DENND2C: variants seen among roughly 807,000 people sequenced by gnomAD.
DENND2C encodes the protein DENN domain containing 2C, also known as DENN domain-containing protein 2C.
Under a neutral mutation model 112.4 loss-of-function variants are expected in DENND2C, and 72 were observed. The ratio of observed to expected loss-of-function variants is 0.64; its 90% CI spans 0.53 to 0.78. The LOEUF is 0.78. Ranked by LOEUF, DENND2C falls within the 30% of genes least tolerant of loss-of-function variation. The pLI is 0.00. For synonymous variants in DENND2C, 329 were observed against 381.6 expected (o/e 0.86, Z 1.61); for missense variants, 992 against 1,113.8 (o/e 0.89, Z 1.56).
Position 114,625,624 on chromosome 1 carries a change from C to T in DENND2C, c.361G>A (p.Val121Ile), listed in dbSNP as rs1343822275. ...ESESNWVCSR[V>I]KEIESCKEDV... ...TCTTTACAGCTTTCAATTTCTTTGACCCGAGAACATACCCAGTTGGATTCT... is the reference window on the plus strand; with the variant it reads ...TCTTTACAGCTTTCAATTTCTTTGATCCGAGAACATACCCAGTTGGATTCT... Residue 121 changes from valine to isoleucine, a missense_variant, in exon 4 of 21, where the codon GTC (valine) becomes ATC (isoleucine). By Grantham distance (29) the Val-to-Ile change is conservative (BLOSUM62 3). Coordinates refer to ENST00000393274, the MANE Select transcript of DENND2C (RefSeq NM_001256404.2). The T allele has an allele frequency of 3.1e-6, 5 of 1,613,966 alleles. No homozygotes were observed. Among genetic ancestry groups the T allele is most frequent in the Non-Finnish European group, 4.2e-6 (5 of 1,180,008 alleles).
chr1:114,611,097 T>C lies in DENND2C; in HGVS notation c.1345A>G (p.Ser449Gly), dbSNP rs1296758723. ...CTCTTTGGCAGATACTCGGCATCAC[T>C]TTCGTTCCCACTGGTTTCACCTGAA... ...PTKGETSGNE[S>G]DAEYLPKNRH... The change falls in exon 9 of 21, where the codon AGT (serine) becomes GGT (glycine). Residue 449 changes from serine to glycine, a missense_variant. Physicochemically the swap from Ser to Gly is moderately conservative, Grantham distance 56 (BLOSUM62 0). This residue lies in a region of DENND2C where 516 missense variants were observed against 623.6 expected (regional missense o/e 0.83). Coordinates refer to ENST00000393274, the MANE Select transcript of DENND2C (RefSeq NM_001256404.2). 6.2e-7 allele frequency: 1 copy of C among 1,614,056 alleles called. No homozygotes were observed. Among genetic ancestry groups the C allele is most frequent in the Non-Finnish European group, 8.5e-7 (1 of 1,180,020 alleles).
At chr1:114,598,047 A>G (rs1374871120) in intron 16 of DENND2C, among the ~76,000 whole-genome samples, 3 of 152,190 alleles carry the variant, frequency 2.0e-5, no homozygotes, top group Non-Finnish European at 4.4e-5. Context: ...AATTGGCACA[A>G]CTACTTTGGA....
At chr1:114,641,068 T>C (rs1656823120) in intron 3 of DENND2C, among the ~76,000 whole-genome samples, 1 of 151,630 alleles carries the variant, frequency 6.6e-6, no homozygotes, top group Non-Finnish European at 1.5e-5. Context: ...CTAAAATCTG[T>C]TTTTTAGAGA....
intron 1 of DENND2C, among the ~76,000 whole-genome samples, chr1:114,664,262 T>G (rs1390135000): frequency 6.6e-6 from 1 of 152,032 alleles, no homozygotes; most frequent in Non-Finnish European, 1.5e-5. Flanking sequence ...TGTCTATGAC[T>G]TCCAAGAACT....
chr1:114,600,431 C>A (rs377264318), intron 14 of DENND2C, 79 bp from the exon 15 acceptor site: 1 of 1,552,944 alleles, frequency 6.4e-7, no homozygotes, highest in South Asian at 1.2e-5. Context: ...TCCTGTTATT[C>A]TTATATAAGT....
intron 1 of DENND2C, among the ~76,000 whole-genome samples, chr1:114,668,010 A>G (rs1657693932): frequency 6.6e-6 from 1 of 152,204 alleles, no homozygotes; most frequent in Non-Finnish European, 1.5e-5. Context: ...CCGCTTTAAA[A>G]ACAGCTTTTG....
At chr1:114,631,548 C>A (rs1329819565) in intron 3 of DENND2C, among the ~76,000 whole-genome samples, 3 of 152,096 alleles carry the variant, frequency 2.0e-5, no homozygotes, top group African/African-American at 7.2e-5. Context: ...CTTTGGGAGG[C>A]CAAGGCAGGC....
chr1:114,657,335 T>C (rs1317725052), intron 1 of DENND2C, among the ~76,000 whole-genome samples: 1 of 152,248 alleles, frequency 6.6e-6, no homozygotes, highest in Non-Finnish European at 1.5e-5. Context: ...TTTTTTAAGA[T>C]TATTTTTATA....
intron 2 of DENND2C, among the ~76,000 whole-genome samples, chr1:114,648,059 T>C (rs201620864): frequency 6.6e-6 from 1 of 151,886 alleles, no homozygotes; most frequent in East Asian, 2.0e-4. Context: ...CCACCCGCCT[T>C]GGCCTCCCAA....
chr1:114,667,151 T>C (rs994706793), intron 1 of DENND2C, among the ~76,000 whole-genome samples: 6 of 152,154 alleles, frequency 3.9e-5, no homozygotes, highest in Non-Finnish European at 8.8e-5. Flanking sequence ...CAAACTCCTA[T>C]TCATCCTTCA....
intron 2 of DENND2C, among the ~76,000 whole-genome samples, chr1:114,650,011 T>C (rs1657109232): frequency 6.6e-6 from 1 of 152,114 alleles, no homozygotes; most frequent in Non-Finnish European, 1.5e-5. Context: ...CTTTTTTTCA[T>C]TCAGAGTTAT....
intron 1 of DENND2C, among the ~76,000 whole-genome samples, chr1:114,659,057 A>G (rs554583543): frequency 6.6e-6 from 1 of 152,276 alleles, no homozygotes; most frequent in South Asian, 2.1e-4. Context: ...ATAGGGCACA[A>G]ATGAATCTCT....
chr1:114,655,138 T>A (rs1374280691), intron 1 of DENND2C, among the ~76,000 whole-genome samples: 1 of 152,186 alleles, frequency 6.6e-6, no homozygotes, highest in Non-Finnish European at 1.5e-5. Context: ...GCAAAAAATC[T>A]CTGCCACAAG....
chr1:114,625,673 A>G lies in DENND2C; in HGVS notation c.312T>C (p.Asp104=), dbSNP rs761676121. 122 of 1,613,998 alleles carry G rather than the reference A, an allele frequency of 7.6e-5. No individual in the cohort carries two copies. Among genetic ancestry groups the G allele is most frequent in the Non-Finnish European group, 9.5e-5 (112 of 1,180,018 alleles). ...ENENKKHEYD[D]THFFKNESES... ...CTGATTCATTTTTAAAGAAGTGTGT[A>G]TCGTCATATTCATGTTTCTTATTTT... The change falls in exon 4 of 21, where the codon GAT becomes GAC. Residue 104 remains aspartate (D), a synonymous_variant. Coordinates refer to ENST00000393274, the MANE Select transcript of DENND2C (RefSeq NM_001256404.2).
chr1:114,626,232 C>A, intron 3 of DENND2C, 44 bp from the exon 4 acceptor site: 1 of 387,590 alleles, frequency 2.6e-6, no homozygotes. Context: ...TTTATAATTT[C>A]CTAATTTAAA....
At chr1:114,611,572 AC>A (rs2101655732) in intron 8 of DENND2C, among the ~76,000 whole-genome samples, 4 of 152,314 alleles carry the variant, frequency 2.6e-5, no homozygotes, top group Non-Finnish European at 5.9e-5. Flanking sequence ...GAGAGATATT[AC>A]CAAGTCAGCC....
At chr1:114,605,900 A>G (rs927249226) in intron 10 of DENND2C, among the ~76,000 whole-genome samples, 1 of 152,204 alleles carries the variant, frequency 6.6e-6, no homozygotes, top group Non-Finnish European at 1.5e-5. Flanking sequence ...ACTTCTTGTA[A>G]AATTTTAGCA....
intron 3 of DENND2C, among the ~76,000 whole-genome samples, chr1:114,627,840 A>T (rs1656387350): frequency 6.6e-6 from 1 of 152,120 alleles, no homozygotes; most frequent in African/African-American, 2.4e-5. Context: ...TTCACTATAG[A>T]CAAGACAGGA....
chr1:114,587,761 C>T lies in DENND2C; in HGVS notation c.2623G>A (p.Ala875Thr). 1 of 1,614,080 alleles carries T rather than the reference C, an allele frequency of 6.2e-7. No individual in the cohort carries two copies. The highest frequency in any genetic ancestry group is 8.5e-7 in the Non-Finnish European group (1 of 1,179,986). ...AGCTCTCGGTCCTGGATGAATCCTG[C>T]AAACATCTGAGTTTCCATGAAGAGA... ...LDLFMETQMF[A>T]GFIQDRELRK... Residue 875 changes from alanine (A) to threonine (T), a missense_variant, in exon 19 of 21, where the codon GCA becomes ACA. Physicochemically the swap from Ala to Thr is moderately conservative, Grantham distance 58. Coordinates refer to ENST00000393274, the MANE Select transcript of DENND2C (RefSeq NM_001256404.2).
Sources: allele counts gnomAD v4.1 joint callset (sites outside exome capture counted in the v4.1 genomes callset), GRCh38; gene constraint gnomAD v4.1.1; regional missense constraint gnomAD v4.1.1; transcripts MANE v1.5; gene names NCBI Gene and HGNC (gene_info 2026-07-23, HGNC 2026-07-21).